Variants in DOK6 observed in about 807,000 individuals in gnomAD.
DOK6 encodes the protein downstream of tyrosine kinase 6.
A neutral mutation model predicts 44.0 loss-of-function variants in DOK6; 22 were observed. That is an observed-to-expected ratio of 0.50 (90% CI 0.36 to 0.71). DOK6 has a LOEUF of 0.71. Ranked by LOEUF, DOK6 falls within the 30% of genes least tolerant of loss-of-function variation. The pLI is 0.00. For missense variants in DOK6, 340 were observed against 416.4 expected (o/e 0.82, Z 1.60); for synonymous variants, 166 against 145.5 (o/e 1.14, Z -1.01).
At chr18:69,415,345 A>AT (rs983161232) in intron 1 of DOK6, among the ~76,000 whole-genome samples, 4 of 148,016 alleles carry the variant, frequency 2.7e-5, no homozygotes, top group Non-Finnish European at 6.1e-5. Context: ...GACTCAAATC[A>AT]TTTTTTTGTA....
chr18:69,668,790 A>G (rs1289171021), intron 3 of DOK6, among the ~76,000 whole-genome samples: 1 of 152,214 alleles, frequency 6.6e-6, no homozygotes, highest in African/African-American at 2.4e-5. Flanking sequence ...TATAAAATTT[A>G]TATCTCAATC....
intron 1 of DOK6, among the ~76,000 whole-genome samples, chr18:69,455,431 G>T (rs1979607633): frequency 6.6e-6 from 1 of 152,156 alleles, no homozygotes; most frequent in Non-Finnish European, 1.5e-5. Flanking sequence ...TTTTGCATGT[G>T]TGTGTTTGTT....
intron 3 of DOK6, among the ~76,000 whole-genome samples, chr18:69,612,546 C>A (rs1984184145): frequency 7.2e-6 from 1 of 138,404 alleles, no homozygotes; most frequent in East Asian, 2.3e-4. Context: ...CAACACCTCA[C>A]CCAACCGACT....
chr18:69,451,751 A>T (rs1979473107), intron 1 of DOK6, among the ~76,000 whole-genome samples: 1 of 124,940 alleles, frequency 8.0e-6, no homozygotes, highest in African/African-American at 3.1e-5. Context: ...ACTCAGGATT[A>T]AGAGTCTCAC....
intron 1 of DOK6, among the ~76,000 whole-genome samples, chr18:69,447,508 T>C (rs1333306382): frequency 6.6e-6 from 1 of 152,198 alleles, no homozygotes; most frequent in African/African-American, 2.4e-5. Flanking sequence ...AGCTTTGTTC[T>C]TTTGGCTTAG....
chr18:69,799,187 A>G (rs1457526235), intron 7 of DOK6, among the ~76,000 whole-genome samples: 3 of 152,088 alleles, frequency 2.0e-5, no homozygotes, highest in Non-Finnish European at 2.9e-5. Context: ...TCGTGAGCTA[A>G]AAGGAAATAC....
chr18:69,564,441 A>C, intron 1 of DOK6, 46 bp from the exon 2 acceptor site: 1 of 1,553,564 alleles, frequency 6.4e-7, no homozygotes, highest in South Asian at 1.1e-5. Flanking sequence ...AATGTCGTAA[A>C]CTCATGTAAA....
chr18:69,661,840 A>C (rs1985535226), intron 3 of DOK6: 1 of 152,182 alleles, frequency 6.6e-6, no homozygotes. Flanking sequence ...AATCACCCCT[A>C]ACTGTAAATA....
chr18:69,833,045 C>T (rs1168670495), intron 7 of DOK6, among the ~76,000 whole-genome samples: 2 of 152,110 alleles, frequency 1.3e-5, no homozygotes, highest in Admixed American at 1.3e-4. Context: ...ACATTCTTCA[C>T]AGAAGTAGAA....
chr18:69,512,088 A>C, intron 1 of DOK6, among the ~76,000 whole-genome samples: 2 of 121,988 alleles, frequency 1.6e-5, no homozygotes, highest in African/African-American at 6.1e-5. Flanking sequence ...ATCCCCCCAC[A>C]CGCACCCCCC....
At chr18:69,500,673 C>A (rs1295920116) in intron 1 of DOK6, among the ~76,000 whole-genome samples, 1 of 151,992 alleles carries the variant, frequency 6.6e-6, no homozygotes, top group Non-Finnish European at 1.5e-5. Flanking sequence ...ATGTTACTGG[C>A]AATATAAGTA....
At position 69,841,316 on chromosome 18, in the gene DOK6, AG is replaced by A; in HGVS notation, c.931del (p.Ala311ProfsTer30). On this transcript the variant is annotated frameshift_variant, in exon 8 of 8. Transcript: ENST00000382713. LOFTEE classifies it high-confidence loss of function. ...AGCTACGCCCCAGAACAGAGTGAAG[AG>A]GCCCAGCAGCCGTTGTCGCGGTCCA... ...FPSYAPEQSE[E>X]AQQPLSRSSS... The A allele has an allele frequency of 6.2e-7, 1 of 1,614,170 alleles. No individual in the cohort carries two copies. Among genetic ancestry groups the A allele is most frequent in the Non-Finnish European group, 8.5e-7 (1 of 1,180,028 alleles).
rs149948035 is a variant in DOK6, at chr18:69,548,346, G to C, written c.67-16141G>C. On this transcript the variant is annotated intron_variant, in intron 1 of 7. Coordinates refer to ENST00000382713, the MANE Select transcript of DOK6 (RefSeq NM_152721.6). ...TGTGAACAGGGGGCACCTTTTTATA[G>C]TTGACTTGTCTTTTTCAGTTGCTCT... is the stretch of plus-strand genomic sequence containing the variant. 4.3e-4 allele frequency among the ~76,000 whole-genome samples: 65 copies of C among 151,564 alleles called. 1 individual carries two copies. Among genetic ancestry groups the C allele is most frequent in the Admixed American group, 1.9e-3 (29 of 15,186 alleles).
chr18:69,722,490 G>C (rs1223728449), intron 5 of DOK6, among the ~76,000 whole-genome samples: 1 of 152,176 alleles, frequency 6.6e-6, no homozygotes, highest in Admixed American at 6.5e-5. Context: ...CTGTCTCAGA[G>C]AGGCTTGTAG....
chr18:69,693,289 A>G (rs528227645), intron 4 of DOK6, among the ~76,000 whole-genome samples: 1 of 146,588 alleles, frequency 6.8e-6, no homozygotes, highest in South Asian at 2.2e-4. Flanking sequence ...AATAGAATAC[A>G]GTGGAAAAAA....
At chr18:69,711,361 C>T (rs1204167035) in intron 5 of DOK6, among the ~76,000 whole-genome samples, 2 of 152,140 alleles carry the variant, frequency 1.3e-5, no homozygotes, top group Non-Finnish European at 2.9e-5. Flanking sequence ...CAAATAAAAT[C>T]ATCCTTAATG....
At chr18:69,478,862 C>A (rs2144528583) in intron 1 of DOK6, among the ~76,000 whole-genome samples, 1 of 152,186 alleles carries the variant, frequency 6.6e-6, no homozygotes, top group East Asian at 1.9e-4. Context: ...TACCAGGATC[C>A]AATTTATGAT....
chr18:69,480,231 G>C (rs763928946), intron 1 of DOK6, among the ~76,000 whole-genome samples: 12 of 143,056 alleles, frequency 8.4e-5, no homozygotes, highest in Non-Finnish European at 1.6e-4. Context: ...TATCCTTATT[G>C]GTATATAATT....
chr18:69,659,209 G>A (rs1985445787), intron 3 of DOK6, among the ~76,000 whole-genome samples: 2 of 152,198 alleles, frequency 1.3e-5, no homozygotes, highest in Middle Eastern at 3.2e-3. Flanking sequence ...AAAGGATGCT[G>A]TCCTAGCTCT....
Sources: gnomAD v4.1 joint callset for allele counts (sites outside exome capture counted in the v4.1 genomes callset) on GRCh38, gnomAD v4.1.1 for gene constraint, MANE v1.5 for transcripts, NCBI Gene and HGNC (gene_info 2026-07-23, HGNC 2026-07-21) for gene names.